The following EPHB2 variants were observed in gnomAD, a reference collection of about 807,000 sequenced individuals.
EPHB2 encodes ephrin type-B receptor 2.
Under a neutral mutation model 96.4 loss-of-function variants are expected in EPHB2, and 18 were observed. The observed-to-expected ratio is 0.19, with a 90% CI of 0.13 to 0.28. The LOEUF (loss-of-function observed/expected upper bound fraction) is 0.28. Ranked by LOEUF, EPHB2 falls within the 10% of genes least tolerant of loss-of-function variation. The pLI is 1.00. For synonymous variants in EPHB2, 506 were observed against 534.1 expected (o/e 0.95, Z 0.72); for missense variants, 989 against 1,355.4 (o/e 0.73, Z 4.25).
Position 22,760,482 on chromosome 1 carries a change from A to G in EPHB2, c.62-20939A>G, listed in dbSNP as rs55682958. On this transcript the variant is annotated intron_variant, in intron 1 of 15. Transcript: ENST00000374630. ...TGCTTCTAAAAGCACCTCCTGCCCC[A>G]CCTGTGCCCTCTTCCCCAGCTTCAG... is the stretch of plus-strand genomic sequence containing the variant. 7.5e-3 allele frequency among the ~76,000 whole-genome samples: 1,143 copies of G among 152,264 alleles called. 11 individuals are homozygous for G. The highest frequency in any genetic ancestry group is 0.012 in the Non-Finnish European group (850 of 68,008).
In EPHB2 at chr1:22,895,552, G is replaced by A. The variant is rs2148570606; in HGVS notation, c.1672G>A (p.Val558Met). 2 of 1,614,274 alleles carry A rather than the reference G, an allele frequency of 1.2e-6. No homozygotes were observed. Among genetic ancestry groups the A allele is most frequent in the Non-Finnish European group, 1.7e-6 (2 of 1,180,048 alleles). The change falls in exon 8 of 16, where the codon GTG becomes ATG. Residue 558 changes from valine (V) to methionine (M), a missense_variant. Coordinates refer to ENST00000374630, the MANE Select transcript of EPHB2 (RefSeq NM_017449.5). The stretch of plus-strand genomic sequence containing the variant: ...CGCTGGCCTGGTCTTCCTCATTGCT[G>A]TGGTTGTCATCGCCATCGTGTGTAA... Reference protein sequence around the residue: ...SAAGLVFLIAVVVIAIVCNRR... With the variant: ...SAAGLVFLIAMVVIAIVCNRR...
At chr1:22,803,921 A>C (rs1241980738) in intron 3 of EPHB2, among the ~76,000 whole-genome samples, 2 of 150,972 alleles carry the variant, frequency 1.3e-5, no homozygotes, top group East Asian at 1.9e-4. Flanking sequence ...CTCAAGAGAA[A>C]AAAAAAAAGT....
intron 1 of EPHB2, among the ~76,000 whole-genome samples, chr1:22,765,560 A>AAAG (rs1405886065): frequency 6.6e-6 from 1 of 150,850 alleles, no homozygotes; most frequent in Non-Finnish European, 1.5e-5. Context: ...AAAAAAAAAA[A>AAAG]AAACATTGAG....
intron 3 of EPHB2, among the ~76,000 whole-genome samples, chr1:22,829,311 G>A (rs1315483924): frequency 1.3e-5 from 2 of 152,348 alleles, no homozygotes; most frequent in East Asian, 1.9e-4. Context: ...ACACCCAGCC[G>A]GGAGAGGCTC....
chr1:22,826,495 C>T (rs6701399), intron 3 of EPHB2, among the ~76,000 whole-genome samples: 62,904 of 152,234 alleles, frequency 0.41, 13,454 homozygotes, highest in South Asian at 0.54. Context: ...AGTTCTAAAG[C>T]AACACTTCTC....
chr1:22,812,444 G>A (rs927803684), intron 3 of EPHB2, among the ~76,000 whole-genome samples: 8 of 152,252 alleles, frequency 5.3e-5, no homozygotes, highest in Non-Finnish European at 1.0e-4. Flanking sequence ...TGAACCCTTG[G>A]AAACCACAGC....
intron 1 of EPHB2, among the ~76,000 whole-genome samples, chr1:22,755,595 A>G (rs1236261141): frequency 2.0e-5 from 3 of 152,076 alleles, no homozygotes; most frequent in African/African-American, 7.2e-5. Context: ...CTTCTGGGGG[A>G]GCTAGATGCA....
intron 1 of EPHB2, among the ~76,000 whole-genome samples, chr1:22,727,510 G>A (rs573259959): frequency 6.0e-4 from 92 of 152,304 alleles, no homozygotes; most frequent in African/African-American, 2.1e-3. Context: ...CATCGAGCCT[G>A]GACAACCCAA....
chr1:22,810,454 A>T (rs1644987237), intron 3 of EPHB2, among the ~76,000 whole-genome samples: 1 of 152,160 alleles, frequency 6.6e-6, no homozygotes, highest in African/African-American at 2.4e-5. Context: ...ACATTGGGCC[A>T]TTACTAACTC....
intron 1 of EPHB2, among the ~76,000 whole-genome samples, chr1:22,753,518 G>A (rs528025720): frequency 6.6e-6 from 1 of 152,302 alleles, no homozygotes; most frequent in Admixed American, 6.5e-5. Flanking sequence ...ACCAAGCCCA[G>A]TCTGGGTGGT....
chr1:22,835,793 A>G (rs1050927323), intron 3 of EPHB2: 2 of 152,234 alleles, frequency 1.3e-5, no homozygotes, highest in Admixed American at 6.5e-5. Flanking sequence ...TTTCAGAGGA[A>G]AGCCAGGCTA....
chr1:22,896,361 C>T, intron 8 of EPHB2, 53 bp from the exon 9 acceptor site: 8 of 1,613,044 alleles, frequency 5.0e-6, no homozygotes, highest in Non-Finnish European at 6.8e-6. Context: ...CTGTGGCTCC[C>T]AGCTCCCTGG....
intron 5 of EPHB2, among the ~76,000 whole-genome samples, chr1:22,880,441 C>T (rs947227182): frequency 2.6e-5 from 4 of 152,232 alleles, no homozygotes; most frequent in Non-Finnish European, 5.9e-5. Context: ...CACAGACCCG[C>T]CCAGGAATGA....
intron 1 of EPHB2, among the ~76,000 whole-genome samples, chr1:22,730,966 G>T (rs890065411): frequency 2.0e-5 from 3 of 152,102 alleles, no homozygotes; most frequent in Non-Finnish European, 4.4e-5. Context: ...CAAGCGGGCA[G>T]TGGTGGGGAG....
chr1:22,769,567 C>G (rs1370645046), intron 1 of EPHB2, among the ~76,000 whole-genome samples: 1 of 152,046 alleles, frequency 6.6e-6, no homozygotes, highest in African/African-American at 2.4e-5. Flanking sequence ...ACCACCACAC[C>G]CAGCTAATTT....
At chr1:22,774,951 C>T (rs1043831598) in intron 1 of EPHB2, among the ~76,000 whole-genome samples, 3 of 152,156 alleles carry the variant, frequency 2.0e-5, no homozygotes, top group African/African-American at 4.8e-5. Flanking sequence ...GAAACTGAGG[C>T]CCAGAGAGCA....
Position 22,713,684 on chromosome 1 carries a change from C to G in EPHB2, c.61+2641C>G, listed in dbSNP as rs143361890. On this transcript the variant is annotated intron_variant, in intron 1 of 15. Transcript: ENST00000374630. ...CCGTGGAGCAGTAGGAGGGTGGCCC[C>G]TCTGGCTCCCAGAACCCAGAGCCAC... 2.8e-3 allele frequency among the ~76,000 whole-genome samples: 425 copies of G among 152,286 alleles called. 3 individuals are homozygous for G. The highest frequency in any genetic ancestry group is 9.7e-3 in the African/African-American group (402 of 41,542).
chr1:22,844,571 G>A (rs1645514435), intron 3 of EPHB2, among the ~76,000 whole-genome samples: 1 of 152,232 alleles, frequency 6.6e-6, no homozygotes, highest in Admixed American at 6.5e-5. Flanking sequence ...TTAGGAGGGA[G>A]AGTGTTATTA....
At chr1:22,830,839 G>A (rs866675949) in intron 3 of EPHB2, among the ~76,000 whole-genome samples, 1 of 152,158 alleles carries the variant, frequency 6.6e-6, no homozygotes, top group Admixed American at 6.5e-5. Flanking sequence ...ACAGGCATGA[G>A]CCACCGCACC....
Sources: gnomAD v4.1 joint callset for allele counts (sites outside exome capture counted in the v4.1 genomes callset) on GRCh38, gnomAD v4.1.1 for gene constraint, MANE v1.5 for transcripts, NCBI Gene and HGNC (gene_info 2026-07-23, HGNC 2026-07-21) for gene names.